TMEM132C: variants seen among roughly 807,000 people sequenced by gnomAD.
TMEM132C encodes transmembrane protein 132C.
Under a neutral mutation model 61.4 loss-of-function variants are expected in TMEM132C, and 29 were observed. The observed-to-expected ratio is 0.47, with a 90% CI of 0.35 to 0.64. The LOEUF (loss-of-function observed/expected upper bound fraction) is 0.64, where lower values mean the gene tolerates loss of function less well. Among genes scored for constraint, TMEM132C ranks in the 30% least tolerant of loss-of-function variants. The pLI is 0.00. For missense variants in TMEM132C, 1,408 were observed against 1,476.9 expected (o/e 0.95, Z 0.76); for synonymous variants, 656 against 633.1 (o/e 1.04, Z -0.54).
chr12:128,306,825 T>C (rs376457095), intron 1 of TMEM132C, among the ~76,000 whole-genome samples: 2 of 152,204 alleles, frequency 1.3e-5, no homozygotes, highest in South Asian at 2.1e-4. Context: ...ATTGCTGAAA[T>C]GTGAGATAGG....
intron 4 of TMEM132C, among the ~76,000 whole-genome samples, chr12:128,644,141 G>T (rs772060767): frequency 6.6e-6 from 1 of 152,180 alleles, no homozygotes; most frequent in East Asian, 1.9e-4. Flanking sequence ...ACCTGCATGC[G>T]CTGGTGGTGG....
intron 4 of TMEM132C, among the ~76,000 whole-genome samples, chr12:128,639,948 T>TGTTCATAC (rs1378905250): frequency 1.3e-5 from 2 of 152,254 alleles, no homozygotes; most frequent in Non-Finnish European, 2.9e-5. Context: ...ATTTTGTTGT[T>TGTTCATAC]GTTCATACTT....
chr12:128,332,736 T>C (rs992177145), intron 1 of TMEM132C, among the ~76,000 whole-genome samples: 2 of 152,238 alleles, frequency 1.3e-5, no homozygotes, highest in Non-Finnish European at 2.9e-5. Context: ...ACTGTGGACC[T>C]GAGTGGGTGT....
At chr12:128,635,225 A>G (rs1373457950) in intron 4 of TMEM132C, among the ~76,000 whole-genome samples, 4 of 152,230 alleles carry the variant, frequency 2.6e-5, no homozygotes, top group Admixed American at 2.0e-4. Flanking sequence ...GTATCCTATA[A>G]TTGAAGCAAA....
chr12:128,541,728 C>T (rs1419963784), intron 2 of TMEM132C, among the ~76,000 whole-genome samples: 1 of 152,196 alleles, frequency 6.6e-6, no homozygotes, highest in Non-Finnish European at 1.5e-5. Context: ...CTCAACTGCA[C>T]TTGCTGACTT....
At chr12:128,310,195 G>T (rs374747622) in intron 1 of TMEM132C, among the ~76,000 whole-genome samples, 64 of 152,286 alleles carry the variant, frequency 4.2e-4, no homozygotes, top group African/African-American at 1.5e-3. Context: ...TTTACATTTT[G>T]AGAATAGTGA....
At chr12:128,516,372 C>T (rs1194483747) in intron 2 of TMEM132C, among the ~76,000 whole-genome samples, 1 of 152,144 alleles carries the variant, frequency 6.6e-6, no homozygotes, top group Non-Finnish European at 1.5e-5. Flanking sequence ...GCACCAAGGA[C>T]TAAGCACTGT....
chr12:128,505,400 G>A (rs934605967), intron 2 of TMEM132C, among the ~76,000 whole-genome samples: 1 of 152,190 alleles, frequency 6.6e-6, no homozygotes, highest in Non-Finnish European at 1.5e-5. Flanking sequence ...TGCTCAACTA[G>A]CTCTGGCTAG....
intron 1 of TMEM132C, among the ~76,000 whole-genome samples, chr12:128,395,996 A>G (rs771508756): frequency 2.0e-5 from 3 of 152,208 alleles, no homozygotes; most frequent in Admixed American, 1.3e-4. Context: ...GATGGGTAGC[A>G]GCTTTGTCGT....
chr12:128,469,321 T>C (rs547679163), intron 2 of TMEM132C, among the ~76,000 whole-genome samples: 1 of 148,522 alleles, frequency 6.7e-6, no homozygotes, highest in African/African-American at 2.5e-5. Context: ...AGTAATATCA[T>C]AAAGCATGCT....
chr12:128,314,530 A>C (rs1872083124), intron 1 of TMEM132C, among the ~76,000 whole-genome samples: 1 of 152,176 alleles, frequency 6.6e-6, no homozygotes. Flanking sequence ...AGAACCCCAG[A>C]GTGTCACTTT....
At position 128,425,748 on chromosome 12, in the gene TMEM132C, C is replaced by T. The variant is rs1040950971; in HGVS notation, c.974+10128C>T. Among the ~76,000 whole-genome samples, 13 of 152,210 alleles carry T rather than the reference C, an allele frequency of 8.5e-5. No individual in the cohort carries two copies. In the East Asian group the frequency reaches 9.6e-4, roughly 11 times the overall value. On this transcript the variant is annotated intron_variant, in intron 2 of 8. Coordinates refer to ENST00000435159, the MANE Select transcript of TMEM132C (RefSeq NM_001136103.3). ...TTGGCTTGTGGCCACATCTCTCCAACGCCTGCCCCTGTCTTCGTGTGAATT... is the reference window on the plus strand; with the variant it reads ...TTGGCTTGTGGCCACATCTCTCCAATGCCTGCCCCTGTCTTCGTGTGAATT...
At chr12:128,373,482 G>C (rs527520070) in intron 1 of TMEM132C, among the ~76,000 whole-genome samples, 1 of 152,300 alleles carries the variant, frequency 6.6e-6, no homozygotes, top group Non-Finnish European at 1.5e-5. Flanking sequence ...CTTTGCAGGG[G>C]AGAAAGAGAG....
At chr12:128,668,521 G>A (rs1448200904) in intron 4 of TMEM132C, among the ~76,000 whole-genome samples, 1 of 152,198 alleles carries the variant, frequency 6.6e-6, no homozygotes, top group Non-Finnish European at 1.5e-5. Flanking sequence ...TATCCTTGAA[G>A]GTGATCTGGA....
intron 1 of TMEM132C, among the ~76,000 whole-genome samples, chr12:128,410,379 A>G (rs1868492595): frequency 6.6e-6 from 1 of 151,806 alleles, no homozygotes; most frequent in East Asian, 1.9e-4. Flanking sequence ...ATATACACAC[A>G]CACATATATA....
chr12:128,524,120 TACA>T (rs769858284), intron 2 of TMEM132C, among the ~76,000 whole-genome samples: 6 of 152,064 alleles, frequency 3.9e-5, no homozygotes, highest in Non-Finnish European at 7.4e-5. Flanking sequence ...TTCTCTGTAC[TACA>T]ACAACATAGA....
Position 128,508,425 on chromosome 12 carries a change from C to T in TMEM132C, c.975-35532C>T, listed in dbSNP as rs142589865. Among the ~76,000 whole-genome samples the T allele has an allele frequency of 9.2e-5, 14 of 152,324 alleles. No individual in the cohort carries two copies. In the East Asian group the frequency reaches 1.4e-3, roughly 15 times the overall value. On this transcript the variant is annotated intron_variant, in intron 2 of 8. Transcript: ENST00000435159. Reference sequence around the variant, plus strand: ...ATCCAAAGGGCATCCACCTGCTCTACGGCCCTCGAGATGAGGAGTTAACAA... The same window carrying T: ...ATCCAAAGGGCATCCACCTGCTCTATGGCCCTCGAGATGAGGAGTTAACAA...
intron 2 of TMEM132C, among the ~76,000 whole-genome samples, chr12:128,503,735 C>T (rs756862407): frequency 5.9e-5 from 9 of 152,126 alleles, no homozygotes; most frequent in South Asian, 2.1e-4. Flanking sequence ...AAGTGCAGAC[C>T]GGCTAAGTAT....
At chr12:128,496,103 G>A (rs906717280) in intron 2 of TMEM132C, among the ~76,000 whole-genome samples, 8 of 151,930 alleles carry the variant, frequency 5.3e-5, no homozygotes, top group Admixed American at 3.3e-4. Context: ...GCTTAGTTTG[G>A]CTGGATATGA....
Sources: allele counts gnomAD v4.1 joint callset (sites outside exome capture counted in the v4.1 genomes callset), GRCh38; gene constraint gnomAD v4.1.1; transcripts MANE v1.5; gene names NCBI Gene and HGNC (gene_info 2026-07-23, HGNC 2026-07-21).